Variants in CFAP44 observed in about 807,000 individuals in gnomAD.
The protein encoded by CFAP44 is cilia- and flagella-associated protein 44.
Under a neutral mutation model 216.2 loss-of-function variants are expected in CFAP44, and 134 were observed. That is an observed-to-expected ratio of 0.62 (90% confidence interval 0.54 to 0.72). The LOEUF (loss-of-function observed/expected upper bound fraction) is 0.72, where lower values mean the gene tolerates loss of function less well. Among genes scored for constraint, CFAP44 ranks in the 30% least tolerant of loss-of-function variants. The probability of loss-of-function intolerance (pLI) is 0.00; values close to 1 mark genes in which losing one functional copy is unlikely to be tolerated. For missense variants in CFAP44, 2,035 were observed against 2,182.1 expected, an observed-to-expected ratio of 0.93 and a Z score of 1.34; for synonymous variants, 700 against 727.6, an observed-to-expected ratio of 0.96 and a Z score of 0.61.
In CFAP44 at chr3:113,370,846, C is replaced by A. The variant is rs181043288; in HGVS notation, c.2444+2565G>T. ...TTAGAAAACCCCACTGTCTCAGCCC[C>A]AAATCTCCTTAAGCTGATAAACAAC... On this transcript the variant is annotated intron_variant, in intron 18 of 34. Coordinates refer to ENST00000393845, the MANE Select transcript of CFAP44 (RefSeq NM_001164496.2). Among the ~76,000 whole-genome samples, 289 of 152,034 alleles carry A rather than the reference C, an allele frequency of 1.9e-3. 2 individuals carry two copies. The highest frequency in any genetic ancestry group is 5.7e-3 in the African/African-American group (236 of 41,426).
At chr3:113,307,081 C>T (rs1408106263) in intron 29 of CFAP44, among the ~76,000 whole-genome samples, 1 of 152,186 alleles carries the variant, frequency 6.6e-6, no homozygotes, top group Non-Finnish European at 1.5e-5. Flanking sequence ...CTGAACCGTT[C>T]ATCTATTGAG....
In CFAP44 at chr3:113,304,064, G is replaced by T; in HGVS notation, c.4929C>A (p.Val1643=). The change falls in exon 32 of 35, where the codon GTC becomes GTA. Residue 1643 remains valine (V), a synonymous_variant. Coordinates refer to ENST00000393845, the MANE Select transcript of CFAP44 (RefSeq NM_001164496.2). The stretch of plus-strand genomic sequence containing the variant: ...GCCGTCTCAAGGCATGGTTAGAGAA[G>T]ACCAAAGTACCAGAAAGATCGCTAG... ...EIPSDLSGTL[V]FSNHALRRLQ... The T allele has an allele frequency of 6.5e-7, 1 of 1,537,264 alleles. No homozygotes were observed.
At chr3:113,414,989 C>T (rs1934604901) in intron 6 of CFAP44, among the ~76,000 whole-genome samples, 1 of 143,308 alleles carries the variant, frequency 7.0e-6, no homozygotes, top group Non-Finnish European at 1.5e-5. Flanking sequence ...TCTATCTGGT[C>T]CTGGAGTTTT....
intron 26 of CFAP44, among the ~76,000 whole-genome samples, chr3:113,328,212 C>T (rs1044443731): frequency 2.0e-5 from 3 of 150,766 alleles, no homozygotes; most frequent in African/African-American, 7.3e-5. Context: ...CGTTTCCCAA[C>T]TTCTTATGTT....
chr3:113,390,906 T>C (rs1310674868), intron 15 of CFAP44, among the ~76,000 whole-genome samples: 3 of 152,174 alleles, frequency 2.0e-5, no homozygotes, highest in Non-Finnish European at 4.4e-5. Flanking sequence ...ATTGTTAAAA[T>C]GTCCATAGTA....
intron 14 of CFAP44, 58 bp downstream of exon 14, chr3:113,396,460 T>C: frequency 6.4e-7 from 1 of 1,553,930 alleles, no homozygotes; most frequent in Non-Finnish European, 8.8e-7. Flanking sequence ...TAGGAGGACT[T>C]ATAAGGCAAT....
chr3:113,361,029 G>T (rs1950535428), intron 21 of CFAP44: 2 of 285,042 alleles, frequency 7.0e-6, no homozygotes, highest in East Asian at 9.9e-5. Flanking sequence ...CACATTTATT[G>T]TTGCACAGGA....
At chr3:113,313,533 G>A (rs533609445) in intron 28 of CFAP44, among the ~76,000 whole-genome samples, 1 of 152,194 alleles carries the variant, frequency 6.6e-6, no homozygotes, top group South Asian at 2.1e-4. Flanking sequence ...ATGAGATTTG[G>A]AGGGGCAAGG....
chr3:113,377,030 G>C (rs1933366261), intron 17 of CFAP44, among the ~76,000 whole-genome samples: 1 of 152,142 alleles, frequency 6.6e-6, no homozygotes, highest in Admixed American at 6.6e-5. Context: ...GCAGACAAAA[G>C]GAATATAGAT....
intron 13 of CFAP44, among the ~76,000 whole-genome samples, chr3:113,399,105 GT>G (rs1357777823): frequency 6.6e-6 from 1 of 152,186 alleles, no homozygotes; most frequent in African/African-American, 2.4e-5. Flanking sequence ...TGGAGAGGGT[GT>G]TAGGTATAAA....
At chr3:113,396,430 G>T in intron 14 of CFAP44, 88 bp downstream of exon 14, 1 of 1,365,976 alleles carries the variant, frequency 7.3e-7, no homozygotes, top group Non-Finnish European at 1.0e-6. Flanking sequence ...ATGAATTTCA[G>T]TAAATAAGAC....
chr3:113,427,012 C>A, intron 3 of CFAP44, 175 bp downstream of exon 3: 1 of 628,138 alleles, frequency 1.6e-6, no homozygotes. Context: ...AAATAAAAAC[C>A]ACAAGTCTAG....
At chr3:113,441,330 G>A (rs1935358406) in intron 1 of CFAP44, 123 bp downstream of exon 1, 1 of 954,862 alleles carries the variant, frequency 1.0e-6, no homozygotes, top group Non-Finnish European at 1.2e-6. Context: ...GCTACCGCAG[G>A]GAGGACGAAG....
intron 28 of CFAP44, among the ~76,000 whole-genome samples, chr3:113,325,162 C>T (rs1000820237): frequency 6.6e-6 from 1 of 151,468 alleles, no homozygotes; most frequent in Non-Finnish European, 1.5e-5. Context: ...ATTAGCCAGG[C>T]GTGGTGGTGG....
intron 32 of CFAP44, among the ~76,000 whole-genome samples, chr3:113,300,227 T>G (rs1033276151): frequency 2.7e-4 from 39 of 142,068 alleles, no homozygotes; most frequent in Non-Finnish European, 4.0e-4. Flanking sequence ...ATAGTGGAGG[T>G]GGGGGATGTG....
chr3:113,303,358 T>G (rs1409797445), intron 32 of CFAP44, among the ~76,000 whole-genome samples: 1 of 152,190 alleles, frequency 6.6e-6, no homozygotes, highest in Non-Finnish European at 1.5e-5. Flanking sequence ...AATAAAATAT[T>G]TAATATTCAT....
At chr3:113,350,206 G>A (rs894942941) in intron 22 of CFAP44, among the ~76,000 whole-genome samples, 2 of 151,756 alleles carry the variant, frequency 1.3e-5, no homozygotes, top group Admixed American at 6.6e-5. Context: ...GAGACAGAGA[G>A]ACAAAGACAG....
At chr3:113,328,001 T>C (rs1218501739) in intron 26 of CFAP44, among the ~76,000 whole-genome samples, 182 bp from the exon 27 acceptor site, 4 of 152,118 alleles carry the variant, frequency 2.6e-5, no homozygotes, top group Non-Finnish European at 1.5e-5. Flanking sequence ...CATAAATTAA[T>C]TTATTAAGTG....
chr3:113,317,815 C>T (rs1950102781), intron 28 of CFAP44, among the ~76,000 whole-genome samples: 1 of 152,182 alleles, frequency 6.6e-6, no homozygotes, highest in African/African-American at 2.4e-5. Flanking sequence ...TGCATATCTC[C>T]CTGCTACAGT....
Sources: allele counts gnomAD v4.1 joint callset (sites outside exome capture counted in the v4.1 genomes callset), GRCh38; gene constraint gnomAD v4.1.1; transcripts MANE v1.5; gene names NCBI Gene and HGNC (gene_info 2026-07-23, HGNC 2026-07-21).